NAV3: variants seen among roughly 807,000 people sequenced by gnomAD.
NAV3 encodes the protein pore membrane and/or filament interacting like protein 1.
NAV3 carries 87 observed loss-of-function variants against 244.7 expected under a neutral mutation model. The ratio of observed to expected loss-of-function variants is 0.36; its 90% CI spans 0.30 to 0.42. NAV3 has a LOEUF of 0.42. Ranked by LOEUF, NAV3 falls within the 20% of genes least tolerant of loss-of-function variation. The pLI, the probability that NAV3 is intolerant of heterozygous loss-of-function variation, is 1.00. For missense variants in NAV3, 2,663 were observed against 2,893.3 expected, an observed-to-expected ratio of 0.92 and a Z score of 1.83; for synonymous variants, 1,126 against 1,042.2, an observed-to-expected ratio of 1.08 and a Z score of -1.55.
chr12:77,836,425 A>G (rs920909038), intron 1 of NAV3, among the ~76,000 whole-genome samples: 1 of 152,172 alleles, frequency 6.6e-6, no homozygotes, highest in African/African-American at 2.4e-5. Flanking sequence ...TGCAAACTCA[A>G]GATTCTGTTT....
At chr12:78,053,812 AC>A (rs1883112695) in intron 11 of NAV3, among the ~76,000 whole-genome samples, 1 of 152,084 alleles carries the variant, frequency 6.6e-6, no homozygotes, top group African/African-American at 2.4e-5. Context: ...ATTTTTTTTC[AC>A]GGTTCTGTTC....
intron 34 of NAV3, among the ~76,000 whole-genome samples, chr12:78,192,171 T>C (rs1959011873): frequency 6.6e-6 from 1 of 152,070 alleles, no homozygotes. Context: ...AGATGTTCTG[T>C]TAAGAACATG....
At chr12:77,943,238 T>A (rs1890041407) in intron 3 of NAV3, among the ~76,000 whole-genome samples, 1 of 152,186 alleles carries the variant, frequency 6.6e-6, no homozygotes, top group Admixed American at 6.5e-5. Context: ...CTGCAAAATA[T>A]CATGTTACAG....
chr12:77,897,081 T>G (rs1884708890), intron 1 of NAV3, among the ~76,000 whole-genome samples: 1 of 152,174 alleles, frequency 6.6e-6, no homozygotes, highest in African/African-American at 2.4e-5. Flanking sequence ...AATCTGCATT[T>G]GAACAAGCCC....
intron 31 of NAV3, 25 bp downstream of exon 31, chr12:78,185,723 T>C (rs1211012529): frequency 6.4e-7 from 1 of 1,567,734 alleles, no homozygotes; most frequent in Non-Finnish European, 8.8e-7. Flanking sequence ...TTAAACTCTT[T>C]ATTACTAACA....
chr12:77,976,870 G>A (rs948500545), intron 5 of NAV3, among the ~76,000 whole-genome samples: 12 of 151,186 alleles, frequency 7.9e-5, no homozygotes, highest in Admixed American at 6.6e-4. Flanking sequence ...GTAGAGACAG[G>A]GTTTCACCAT....
chr12:78,163,726 CT>C (rs985825360), intron 23 of NAV3, among the ~76,000 whole-genome samples: 2 of 152,044 alleles, frequency 1.3e-5, no homozygotes, highest in Admixed American at 6.6e-5. Flanking sequence ...TGTTAATGTG[CT>C]TGCTGGGGAG....
intron 2 of NAV3, among the ~76,000 whole-genome samples, chr12:77,713,095 C>G (rs1021901350): frequency 1.6e-4 from 24 of 152,130 alleles, no homozygotes; most frequent in African/African-American, 5.8e-4. Context: ...ATTGCCAGGC[C>G]CAAGAAATGG....
At chr12:77,901,839 G>C (rs1256986896) in intron 1 of NAV3, among the ~76,000 whole-genome samples, 1 of 152,144 alleles carries the variant, frequency 6.6e-6, no homozygotes, top group Non-Finnish European at 1.5e-5. Flanking sequence ...TTCCTCATTA[G>C]TTTCTGTTTG....
chr12:77,676,667 C>T (rs1357222001), intron 2 of NAV3, among the ~76,000 whole-genome samples: 1 of 151,550 alleles, frequency 6.6e-6, no homozygotes, highest in Non-Finnish European at 1.5e-5. Context: ...TGATTTGCTG[C>T]ACCTATCAAC....
intron 19 of NAV3, 59 bp from the exon 20 acceptor site, chr12:78,140,223 C>T (rs1425625251): frequency 2.8e-6 from 4 of 1,431,754 alleles, no homozygotes; most frequent in Non-Finnish European, 3.9e-6. Context: ...TCTGTAAAGG[C>T]TGGAATTTTT....
chr12:77,900,321 C>T (rs1337011267), intron 1 of NAV3, among the ~76,000 whole-genome samples: 2 of 152,076 alleles, frequency 1.3e-5, no homozygotes. Flanking sequence ...CATGATCTGC[C>T]CGCCTTGGCC....
chr12:77,779,350 G>A (rs540596104), intron 2 of NAV3, among the ~76,000 whole-genome samples: 9 of 152,244 alleles, frequency 5.9e-5, no homozygotes, highest in East Asian at 1.9e-4. Context: ...TTCCAAAACC[G>A]AGTTCTATAT....
At chr12:77,884,425 G>A (rs1379671917) in intron 1 of NAV3, among the ~76,000 whole-genome samples, 1 of 152,052 alleles carries the variant, frequency 6.6e-6, no homozygotes, top group Non-Finnish European at 1.5e-5. Context: ...AAGTCCAAAG[G>A]CTCCAGAACC....
intron 1 of NAV3, among the ~76,000 whole-genome samples, chr12:77,868,274 T>C (rs1488060597): frequency 1.3e-5 from 2 of 152,066 alleles, no homozygotes; most frequent in Non-Finnish European, 2.9e-5. Flanking sequence ...GTTAAATAAT[T>C]GTATGAGTGC....
chr12:77,743,575 G>A (rs978084957), intron 2 of NAV3, among the ~76,000 whole-genome samples: 1 of 151,598 alleles, frequency 6.6e-6, no homozygotes, highest in Non-Finnish European at 1.5e-5. Context: ...ATAAGTGAGT[G>A]GATGAACAAT....
chr12:77,681,148 C>G (rs116531773), intron 2 of NAV3, among the ~76,000 whole-genome samples: 35 of 152,266 alleles, frequency 2.3e-4, no homozygotes, highest in African/African-American at 8.4e-4. Context: ...TAACCTATTA[C>G]ATCTTTTAAT....
At chr12:78,199,285 A>G (rs1959366689) in intron 36 of NAV3, 50 bp from the exon 37 acceptor site, 1 of 1,248,348 alleles carries the variant, frequency 8.0e-7, no homozygotes, top group South Asian at 1.4e-5. Flanking sequence ...ATCACTGTGA[A>G]TGTAAAATTT....
chr12:77,634,684 T>A (rs1272474868), intron 2 of NAV3, among the ~76,000 whole-genome samples: 2 of 152,154 alleles, frequency 1.3e-5, no homozygotes, highest in Admixed American at 6.5e-5. Flanking sequence ...TATCTGTGCA[T>A]ATTAATGATG....
Sources: allele counts gnomAD v4.1 joint callset (sites outside exome capture counted in the v4.1 genomes callset), GRCh38; gene constraint gnomAD v4.1.1; transcripts MANE v1.5; gene names NCBI Gene and HGNC (gene_info 2026-07-23, HGNC 2026-07-21).